Variants in GATA4 observed in about 807,000 individuals in gnomAD.
GATA4 encodes GATA binding protein 4.
Under a neutral mutation model 37.9 loss-of-function variants are expected in GATA4, and 7 were observed. The ratio of observed to expected loss-of-function variants is 0.18; its 90% CI spans 0.11 to 0.35. The LOEUF (loss-of-function observed/expected upper bound fraction) is 0.35, where lower values mean the gene tolerates loss of function less well. GATA4 is among the 10% of genes least tolerant of loss of function. The probability of loss-of-function intolerance (pLI) is 1.00; values close to 1 mark genes in which losing one functional copy is unlikely to be tolerated. For synonymous variants in GATA4, 372 were observed against 292.6 expected (o/e 1.27, Z -2.77); for missense variants, 647 against 653.0 (o/e 0.99, Z 0.10).
At chr8:11,731,120 C>G (rs1801187145) in intron 2 of GATA4, among the ~76,000 whole-genome samples, 1 of 152,238 alleles carries the variant, frequency 6.6e-6, no homozygotes, top group Non-Finnish European at 1.5e-5. Context: ...AATATTGCAG[C>G]TACCACTGCC....
chr8:11,689,489 C>A (rs1585557810), upstream of GATA4, among the ~76,000 whole-genome samples: 1 of 152,140 alleles, frequency 6.6e-6, no homozygotes, highest in South Asian at 2.1e-4. Flanking sequence ...CCATTATGCC[C>A]CACACACACT....
intron 2 of GATA4, among the ~76,000 whole-genome samples, chr8:11,733,178 C>T (rs1801290836): frequency 6.6e-6 from 1 of 151,988 alleles, no homozygotes; most frequent in Non-Finnish European, 1.5e-5. Flanking sequence ...ATACTAGATC[C>T]TTGGATTGGA....
chr8:11,757,005 C>G lies in GATA4; in HGVS notation c.1071C>G (p.Ser357Arg), dbSNP rs777477674. The stretch of plus-strand genomic sequence containing the variant: ...GCAACTCCAGCAACGCCACCACCAG[C>G]AGCAGCGAGGAGATGCGTCCCATCA... ...ASSNSSNATT[S>R]SSEEMRPIKT... The change falls in exon 6 of 7, where the codon AGC becomes AGG. Residue 357 changes from serine (S) to arginine (R), a missense_variant. This residue lies in a region of GATA4 where 184 missense variants were observed against 157.1 expected (regional missense o/e 1.17). Transcript: ENST00000532059. The G allele has an allele frequency of 1.9e-6, 3 of 1,614,264 alleles. No homozygotes were observed. The East Asian group carries it at 6.7e-5, about 36-fold the overall frequency.
chr8:11,742,866 G>T (rs1016017876), intron 2 of GATA4, among the ~76,000 whole-genome samples: 2 of 152,234 alleles, frequency 1.3e-5, no homozygotes, highest in African/African-American at 4.8e-5. Context: ...CATGGGCCTG[G>T]GGTTCAGCAA....
chr8:11,686,634 T>C (rs1585552598), intron 1 of GATA4, among the ~76,000 whole-genome samples: 1 of 152,224 alleles, frequency 6.6e-6, no homozygotes, highest in Non-Finnish European at 1.5e-5. Context: ...GGCATAGTGG[T>C]AGGAACTTTC....
chr8:11,724,553 G>A (rs890397496), intron 2 of GATA4, among the ~76,000 whole-genome samples: 7 of 152,180 alleles, frequency 4.6e-5, no homozygotes, highest in Non-Finnish European at 7.3e-5. Context: ...CCAGCAGTAC[G>A]AGTCCTGAAA....
In GATA4 at chr8:11,749,941, G is replaced by T. The variant is rs551292869; in HGVS notation, c.787-170G>T. On this transcript the variant is annotated intron_variant, in intron 3 of 6. Coordinates refer to ENST00000532059, the MANE Select transcript of GATA4 (RefSeq NM_001308093.3). This position sits in a 1 kb window ranked among gnomAD's most constrained non-coding sequence, Gnocchi z 4.6. ...GTTCTGATTTATTCCTCGCAGTGGC[G>T]CAGGTGACAGGAGAGTTAGGTGCCG... Among the ~76,000 whole-genome samples, 11 of 152,230 alleles carry T rather than the reference G, an allele frequency of 7.2e-5. No homozygotes were observed. Among genetic ancestry groups the T allele is most frequent in the Non-Finnish European group, 1.5e-4 (10 of 68,036 alleles).
chr8:11,695,272 G>A (rs896492422), intron 1 of GATA4, among the ~76,000 whole-genome samples: 1 of 152,130 alleles, frequency 6.6e-6, no homozygotes, highest in African/African-American at 2.4e-5. Flanking sequence ...CGGGCATGGT[G>A]GCACATGCCT....
chr8:11,725,776 C>A (rs1800892603), intron 2 of GATA4, among the ~76,000 whole-genome samples: 1 of 152,218 alleles, frequency 6.6e-6, no homozygotes, highest in Admixed American at 6.5e-5. Flanking sequence ...GGCAATCCAT[C>A]TGGTACTGAT....
chr8:11,728,735 G>A (rs1474892285), intron 2 of GATA4, among the ~76,000 whole-genome samples: 1 of 152,110 alleles, frequency 6.6e-6, no homozygotes, highest in African/African-American at 2.4e-5. Context: ...ACCATAAAGG[G>A]TTAGATTGCA....
chr8:11,693,420 T>C (rs1799388829), intron 1 of GATA4, among the ~76,000 whole-genome samples: 1 of 150,956 alleles, frequency 6.6e-6, no homozygotes, highest in Non-Finnish European at 1.5e-5. Context: ...ATCGCACCAC[T>C]GCAGTCCAGC....
At chr8:11,748,824 T>C (rs779865083) in intron 2 of GATA4, 92 bp from the exon 3 acceptor site, 3 of 1,451,118 alleles carry the variant, frequency 2.1e-6, no homozygotes, top group Non-Finnish European at 1.9e-6. Context: ...AGGGCATTGT[T>C]TCTGTGCGCT....
chr8:11,756,574 TG>T, intron 5 of GATA4: 2 of 361,782 alleles, frequency 5.5e-6, no homozygotes, highest in South Asian at 4.7e-5. Flanking sequence ...TGTTTTGCTG[TG>T]GGGATATTAT....
At chr8:11,715,586 C>G (rs1390415441) in intron 2 of GATA4, among the ~76,000 whole-genome samples, 1 of 151,972 alleles carries the variant, frequency 6.6e-6, no homozygotes, top group Non-Finnish European at 1.5e-5. Flanking sequence ...ACTAAAAATA[C>G]AAAAATTAGC....
At chr8:11,693,548 CACACACACACACACAGAGAG>C (rs1799398137) in intron 1 of GATA4, among the ~76,000 whole-genome samples, 2 of 115,928 alleles carry the variant, frequency 1.7e-5, no homozygotes, top group Middle Eastern at 3.7e-3. Flanking sequence ...CACACACACA[CACACACACACACACAGAGAG>C]AGAGAGAGAG....
At chr8:11,703,856 C>T (rs1237411385), upstream of GATA4, among the ~76,000 whole-genome samples, 29 of 152,236 alleles carry the variant, frequency 1.9e-4, no homozygotes, top group Non-Finnish European at 2.6e-4. Context: ...TGGCCCCGCC[C>T]CTCGCCCGCC....
chr8:11,721,880 C>T (rs940299335), intron 2 of GATA4, among the ~76,000 whole-genome samples: 3 of 152,320 alleles, frequency 2.0e-5, no homozygotes, highest in South Asian at 2.1e-4. Context: ...GGTGGATTCA[C>T]CTACCTCCCA....
intron 1 of GATA4, among the ~76,000 whole-genome samples, chr8:11,698,995 T>A (rs2130013771): frequency 6.6e-6 from 1 of 152,318 alleles, no homozygotes; most frequent in South Asian, 2.1e-4. Flanking sequence ...TTGAGGGGAA[T>A]GTTTCATTCT....
chr8:11,692,460 A>G (rs745613674), upstream of GATA4: 1 of 931,980 alleles, frequency 1.1e-6, no homozygotes, highest in Non-Finnish European at 1.3e-6. Flanking sequence ...ACCCTAATAG[A>G]ATATTGACCG....
Sources: allele counts gnomAD v4.1 joint callset (sites outside exome capture counted in the v4.1 genomes callset), GRCh38; gene constraint gnomAD v4.1.1; regional missense constraint gnomAD v4.1.1; non-coding constraint Gnocchi (gnomAD v3.1); transcripts MANE v1.5; gene names NCBI Gene and HGNC (gene_info 2026-07-23, HGNC 2026-07-21).